RPRD2: variants seen among roughly 807,000 people sequenced by gnomAD.
The protein encoded by RPRD2 is regulation of nuclear pre-mRNA domain containing 2, also known as regulation of nuclear pre-mRNA domain-containing protein 2.
Under a neutral mutation model 104.4 loss-of-function variants are expected in RPRD2, and 12 were observed. The ratio of observed to expected loss-of-function variants is 0.11; its 90% CI spans 0.07 to 0.19. The LOEUF is 0.19. Ranked by LOEUF, RPRD2 falls within the 10% of genes least tolerant of loss-of-function variation. RPRD2 has a pLI of 1.00. For synonymous variants in RPRD2, 714 were observed against 684.9 expected (o/e 1.04, Z -0.66); for missense variants, 1,543 against 1,790.1 (o/e 0.86, Z 2.49).
chr1:150,463,408 C>G (rs1303168896), intron 9 of RPRD2, among the ~76,000 whole-genome samples: 1 of 152,124 alleles, frequency 6.6e-6, no homozygotes, highest in African/African-American at 2.4e-5. Context: ...TTTTATATGA[C>G]TAATATATGA....
At chr1:150,467,803 T>C (rs55816515) in intron 10 of RPRD2, among the ~76,000 whole-genome samples, 33,740 of 152,140 alleles carry the variant, frequency 0.22, 4,261 homozygotes, top group African/African-American at 0.32. Context: ...AGACTGTTAA[T>C]GAAATCCCAG....
chr1:150,414,052 C>T (rs1359683167), intron 1 of RPRD2, among the ~76,000 whole-genome samples: 43 of 151,996 alleles, frequency 2.8e-4, no homozygotes. Flanking sequence ...AAGATTGTGA[C>T]TGCATTCCAG....
At chr1:150,435,475 G>A (rs995616534) in intron 2 of RPRD2, among the ~76,000 whole-genome samples, 2 of 152,150 alleles carry the variant, frequency 1.3e-5, no homozygotes, top group African/African-American at 4.8e-5. Flanking sequence ...AGTTCTTGTA[G>A]GAAATTAAAA....
At chr1:150,470,137 G>C (rs1668504133) in intron 10 of RPRD2, among the ~76,000 whole-genome samples, 1 of 151,914 alleles carries the variant, frequency 6.6e-6, no homozygotes, top group African/African-American at 2.4e-5. Context: ...GGACAGGAAA[G>C]GTAGAACAGA....
At chr1:150,406,386 C>G (rs1464162036) in intron 1 of RPRD2, among the ~76,000 whole-genome samples, 1 of 152,170 alleles carries the variant, frequency 6.6e-6, no homozygotes, top group Non-Finnish European at 1.5e-5. Context: ...TTCTCTCTCA[C>G]ACTCTGGCTT....
At chr1:150,444,125 A>G (rs919166863) in intron 5 of RPRD2, 126 bp from the exon 6 acceptor site, 1 of 892,604 alleles carries the variant, frequency 1.1e-6, no homozygotes, top group Non-Finnish European at 1.6e-6. Flanking sequence ...TTTTCCTCCC[A>G]GGGTTTTGTT....
intron 2 of RPRD2, among the ~76,000 whole-genome samples, chr1:150,420,378 C>G (rs1173016095): frequency 6.6e-6 from 1 of 152,082 alleles, no homozygotes; most frequent in Non-Finnish European, 1.5e-5. Context: ...AACCTTAAGC[C>G]CCCAAGAATG....
Position 150,470,655 on chromosome 1 carries a change from A to C in RPRD2, c.1707A>C (p.Thr569=). The C allele has an allele frequency of 6.2e-7, 1 of 1,614,028 alleles. No homozygotes were observed. Among genetic ancestry groups the C allele is most frequent in the Non-Finnish European group, 8.5e-7 (1 of 1,179,894 alleles). ...QSTSASPANT[T]VSTIKGRNLP... ...CTTCAGCCTCCCCTGCCAACACCAC[A>C]GTCTCTACCATAAAGGGAAGAAATC... The change falls in exon 11 of 11, where the codon ACA becomes ACC. Residue 569 remains threonine, a synonymous_variant. Transcript: ENST00000369068.
At chr1:150,385,612 C>A (rs1661505788) in intron 1 of RPRD2, among the ~76,000 whole-genome samples, 1 of 152,092 alleles carries the variant, frequency 6.6e-6, no homozygotes, top group Admixed American at 6.6e-5. Flanking sequence ...TCATTAGCTC[C>A]TACTGGCTTT....
chr1:150,412,952 A>T (rs1223932809), intron 1 of RPRD2, among the ~76,000 whole-genome samples: 1 of 152,050 alleles, frequency 6.6e-6, no homozygotes, highest in Non-Finnish European at 1.5e-5. Context: ...TGTTTTCTCC[A>T]AATAAATCTG....
chr1:150,365,522 C>T (rs1303871291), intron 1 of RPRD2, among the ~76,000 whole-genome samples: 1 of 152,210 alleles, frequency 6.6e-6, no homozygotes, highest in Non-Finnish European at 1.5e-5. Flanking sequence ...TTCTTGGATA[C>T]TGACCAGAAA....
intron 2 of RPRD2, among the ~76,000 whole-genome samples, chr1:150,425,858 C>A (rs999269949): frequency 6.6e-6 from 1 of 152,076 alleles, no homozygotes; most frequent in African/African-American, 2.4e-5. Flanking sequence ...TGCCTATAAT[C>A]CCAGCACTTT....
chr1:150,451,299 T>TC (rs1320677385), intron 7 of RPRD2, among the ~76,000 whole-genome samples: 12 of 152,256 alleles, frequency 7.9e-5, no homozygotes, highest in South Asian at 2.1e-4. Flanking sequence ...CCTGTAATGT[T>TC]CCCCTTGATA....
intron 2 of RPRD2, among the ~76,000 whole-genome samples, chr1:150,419,998 A>G (rs1027356880): frequency 6.6e-6 from 1 of 152,180 alleles, no homozygotes; most frequent in Non-Finnish European, 1.5e-5. Context: ...AAACTCTCAG[A>G]GCTGCCTGGA....
intron 1 of RPRD2, among the ~76,000 whole-genome samples, chr1:150,368,202 CTTGT>C (rs1659986064): frequency 1.7e-5 from 1 of 58,654 alleles, no homozygotes; most frequent in South Asian, 4.2e-4. Flanking sequence ...CACCTTATTT[CTTGT>C]TTTTTTTTTT....
chr1:150,472,016 A>G lies in RPRD2; in HGVS notation c.3068A>G (p.Asp1023Gly). The G allele has an allele frequency of 6.2e-7, 1 of 1,613,922 alleles. No individual in the cohort carries two copies. The highest frequency in any genetic ancestry group is 8.5e-7 in the Non-Finnish European group (1 of 1,179,882). The change falls in exon 11 of 11, where the codon GAT becomes GGT. Residue 1023 changes from aspartate to glycine, a missense_variant. Asp to Gly is a moderately conservative substitution (Grantham distance 94). Around this residue, in one of 4 missense-constraint regions of RPRD2, gnomAD observed 880 missense variants for 885.6 expected, o/e 0.99. Coordinates refer to ENST00000369068, the MANE Select transcript of RPRD2 (RefSeq NM_015203.5). ...LKNASRKPSD[D>G]KHFGQAPSKG... Reference sequence around the variant, plus strand: ...AACGCCTCACGTAAGCCCTCAGATGATAAGCATTTTGGCCAGGCTCCCAGC... The same window carrying G: ...AACGCCTCACGTAAGCCCTCAGATGGTAAGCATTTTGGCCAGGCTCCCAGC...
intron 1 of RPRD2, among the ~76,000 whole-genome samples, chr1:150,377,375 C>T (rs868971779): frequency 5.3e-5 from 8 of 151,818 alleles, no homozygotes; most frequent in Non-Finnish European, 7.4e-5. Flanking sequence ...CCGAGGCGGG[C>T]GGATCACGAG....
intron 9 of RPRD2, among the ~76,000 whole-genome samples, chr1:150,460,854 T>C (rs988093994): frequency 5.3e-5 from 8 of 150,924 alleles, no homozygotes; most frequent in Admixed American, 2.0e-4. Context: ...GCCTCCCAAA[T>C]AGCTGGGACT....
At chr1:150,437,977 TAAAAAAA>T (rs35517552) in intron 2 of RPRD2, among the ~76,000 whole-genome samples, 5 of 129,628 alleles carry the variant, frequency 3.9e-5, no homozygotes, top group Middle Eastern at 4.1e-3. Context: ...TGTCATTATT[TAAAAAAA>T]AAAAAAAAAA....
Sources: allele counts gnomAD v4.1 joint callset (sites outside exome capture counted in the v4.1 genomes callset), GRCh38; gene constraint gnomAD v4.1.1; regional missense constraint gnomAD v4.1.1; transcripts MANE v1.5; gene names NCBI Gene and HGNC (gene_info 2026-07-23, HGNC 2026-07-21).